Variants in DPF3 observed in about 807,000 individuals in gnomAD.
The protein encoded by DPF3 is zinc finger protein DPF3.
DPF3 carries 18 observed loss-of-function variants against 56.8 expected under a neutral mutation model. That is an observed-to-expected ratio of 0.32 (90% CI 0.22 to 0.47). DPF3 has a LOEUF of 0.47. Ranked by LOEUF, DPF3 falls within the 20% of genes least tolerant of loss-of-function variation. DPF3 has a pLI of 1.00. For missense variants in DPF3, 403 were observed against 488.8 expected (o/e 0.82, Z 1.65); for synonymous variants, 188 against 180.2 (o/e 1.04, Z -0.35).
chr14:72,652,379 T>C (rs1294472778), intron 8 of DPF3, among the ~76,000 whole-genome samples: 1 of 151,936 alleles, frequency 6.6e-6, no homozygotes, highest in African/African-American at 2.4e-5. Flanking sequence ...ATTTTGGGAG[T>C]CCTGGAGCAT....
At chr14:72,771,942 C>T in intron 1 of DPF3, 49 bp from the exon 2 acceptor site, 15 of 1,401,272 alleles carry the variant, frequency 1.1e-5, no homozygotes, top group Non-Finnish European at 1.4e-5. Context: ...GACTGAAACA[C>T]ACCCAGAGGG....
intron 1 of DPF3, among the ~76,000 whole-genome samples, chr14:72,799,998 C>T (rs1050035863): frequency 6.6e-6 from 1 of 152,160 alleles, no homozygotes; most frequent in African/African-American, 2.4e-5. Flanking sequence ...CCCACACATT[C>T]CTCTGTGTGC....
chr14:72,719,379 A>C (rs1284385063), intron 5 of DPF3, among the ~76,000 whole-genome samples: 3 of 152,084 alleles, frequency 2.0e-5, no homozygotes, highest in African/African-American at 7.2e-5. Context: ...CTTGCTATTT[A>C]AAGTGTGGTC....
chr14:72,775,910 A>G (rs1453083291), intron 1 of DPF3, among the ~76,000 whole-genome samples: 2 of 151,886 alleles, frequency 1.3e-5, no homozygotes, highest in South Asian at 4.2e-4. Flanking sequence ...AAAATCAATG[A>G]CTAGTTCTCC....
At chr14:72,669,979 A>T (rs769007674) in intron 8 of DPF3, 1 of 986,006 alleles carries the variant, frequency 1.0e-6, no homozygotes, top group Non-Finnish European at 1.2e-6. Context: ...GCAGCCGGTC[A>T]TTCTTGGGAC....
At chr14:72,679,954 G>A (rs1022942383) in intron 7 of DPF3, among the ~76,000 whole-genome samples, 4 of 152,194 alleles carry the variant, frequency 2.6e-5, no homozygotes, top group Admixed American at 1.3e-4. Flanking sequence ...GCAGAATCAG[G>A]AGCAAGCCTC....
At chr14:72,878,133 G>GAAACTT (rs1886187228) in intron 1 of DPF3, among the ~76,000 whole-genome samples, 1 of 152,324 alleles carries the variant, frequency 6.6e-6, no homozygotes, top group South Asian at 2.1e-4. Context: ...GATCTGAACT[G>GAAACTT]AAACTTGACC....
chr14:72,752,736 C>A (rs746846784), intron 3 of DPF3, among the ~76,000 whole-genome samples: 1 of 152,328 alleles, frequency 6.6e-6, no homozygotes, highest in Admixed American at 6.5e-5. Context: ...GAGCAATCTG[C>A]ATCACACGGG....
intron 8 of DPF3, among the ~76,000 whole-genome samples, chr14:72,646,270 C>T (rs1885719914): frequency 6.6e-6 from 1 of 152,248 alleles, no homozygotes; most frequent in Admixed American, 6.5e-5. Context: ...AAAGACCTCA[C>T]TTCTGTGATG....
intron 8 of DPF3, among the ~76,000 whole-genome samples, chr14:72,642,200 C>T (rs1363060387): frequency 6.6e-6 from 1 of 152,252 alleles, no homozygotes; most frequent in African/African-American, 2.4e-5. Context: ...CCCACCCAAG[C>T]CATTCCCAGG....
chr14:72,801,516 A>G (rs1892892110), intron 1 of DPF3, among the ~76,000 whole-genome samples: 1 of 152,240 alleles, frequency 6.6e-6, no homozygotes, highest in Non-Finnish European at 1.5e-5. Flanking sequence ...ATATGCTCAC[A>G]GTTCAGGCAA....
intron 7 of DPF3, among the ~76,000 whole-genome samples, chr14:72,685,729 A>C (rs1414915878): frequency 6.6e-6 from 1 of 152,224 alleles, no homozygotes; most frequent in East Asian, 1.9e-4. Context: ...ACCATGTCTG[A>C]CACACTTAAG....
intron 7 of DPF3, among the ~76,000 whole-genome samples, chr14:72,688,639 A>G (rs1349242159): frequency 6.6e-6 from 1 of 152,206 alleles, no homozygotes; most frequent in East Asian, 1.9e-4. Flanking sequence ...TTCTGAGTGT[A>G]TCTTTCAGAG....
rs538590841 is a variant in DPF3, at chr14:72,616,059, C to T, written c.*3238G>A. 1.3e-3 allele frequency among the ~76,000 whole-genome samples: 194 copies of T among 152,274 alleles called. No homozygotes were observed. Among genetic ancestry groups the T allele is most frequent in the African/African-American group, 4.4e-3 (184 of 41,558 alleles). ...CTCTGCAGAAAATGACAATAGCTACCATGGAGTGGGGACCATCATCATGCC... is the reference window on the plus strand; with the variant it reads ...CTCTGCAGAAAATGACAATAGCTACTATGGAGTGGGGACCATCATCATGCC... On this transcript the variant is annotated 3_prime_UTR_variant, in exon 11 of 11. Coordinates refer to ENST00000556509, the MANE Select transcript of DPF3 (RefSeq NM_001280542.3).
At chr14:72,812,865 G>A (rs910307674) in intron 1 of DPF3, among the ~76,000 whole-genome samples, 1 of 152,198 alleles carries the variant, frequency 6.6e-6, no homozygotes, top group Non-Finnish European at 1.5e-5. Flanking sequence ...AGAGGCTGGC[G>A]GGTGAGGCTC....
Position 72,756,861 on chromosome 14 carries a change from A to AAGG in DPF3, c.194-3491_194-3490insCCT, listed in dbSNP as rs1567222912. Reference sequence around the variant, plus strand: ...GAAAGAAAGAAAGAAAGAAAGAAAGAAAGAAAGAAAGGAAGGAAAGAAGGA... The same window carrying AAGG: ...GAAAGAAAGAAAGAAAGAAAGAAAGAAGGAAGAAAGAAAGGAAGGAAAGAAGGA... On this transcript the variant is annotated intron_variant, in intron 2 of 10. Coordinates refer to ENST00000556509, the MANE Select transcript of DPF3 (RefSeq NM_001280542.3). Among the ~76,000 whole-genome samples the AAGG allele has an allele frequency of 3.8e-3, 479 of 124,910 alleles. 7 individuals are homozygous for AAGG. Among genetic ancestry groups the AAGG allele is most frequent in the African/African-American group, 0.015 (451 of 29,454 alleles). 81.9% of individuals were successfully genotyped at this position (124,910 alleles called of 152,430 possible).
At position 72,614,293 on chromosome 14, in the gene DPF3, G is replaced by C. The variant is rs1877593258; in HGVS notation, c.*5004C>G. Among the ~76,000 whole-genome samples the C allele has an allele frequency of 6.6e-6, 1 of 152,186 alleles. No homozygotes were observed. The highest frequency in any genetic ancestry group is 2.1e-4 in the South Asian group (1 of 4,826). On this transcript the variant is annotated 3_prime_UTR_variant, in exon 11 of 11. Coordinates refer to ENST00000556509, the MANE Select transcript of DPF3 (RefSeq NM_001280542.3). ...TTCAGGTAGGGAGATTCATAGGCCT[G>C]AGGCAAATTAAAACAGCTGTTCCCC...
rs3814867 is a variant in DPF3, at chr14:72,670,317, A to G, written c.871+3923T>C. ...TTGGAAGTCGTTCTTTGCCAGGAGG[A>G]AAGTGAGGAAAAACCAGCAATAACA... is the stretch of plus-strand genomic sequence containing the variant. On this transcript the variant is annotated intron_variant, in intron 8 of 10. Coordinates refer to ENST00000556509, the MANE Select transcript of DPF3 (RefSeq NM_001280542.3). The G allele has an allele frequency of 0.014, 14,188 of 986,124 alleles. 1,219 individuals carry two copies. The African/African-American group carries it at 0.19, about 13-fold the overall frequency. The allele number at this position is 986,124 out of a possible 1,614,324, so 61.1% of individuals were successfully genotyped here. A position where few individuals can be genotyped will look rare whatever the true frequency, so the allele number is the denominator to read the frequency against.
At chr14:72,800,553 T>TATGGATGC (rs1354728108) in intron 1 of DPF3, among the ~76,000 whole-genome samples, 2 of 143,494 alleles carry the variant, frequency 1.4e-5, no homozygotes, top group African/African-American at 2.6e-5. Flanking sequence ...CAGATGGATG[T>TATGGATGC]ATGGATGCAT....
Sources: allele counts gnomAD v4.1 joint callset (sites outside exome capture counted in the v4.1 genomes callset), GRCh38; gene constraint gnomAD v4.1.1; transcripts MANE v1.5; gene names NCBI Gene and HGNC (gene_info 2026-07-23, HGNC 2026-07-21).